Variants in HMGCL observed in about 807,000 individuals in gnomAD.
HMGCL encodes the protein hydroxymethylglutaryl-CoA lyase, mitochondrial.
In HMGCL, 26 loss-of-function variants were observed where a neutral mutation model predicts 37.3. That is an observed-to-expected ratio of 0.70 (90% confidence interval 0.51 to 0.97). HMGCL has a LOEUF of 0.97. Ranked by LOEUF, HMGCL falls within the 50% of genes least tolerant of loss-of-function variation. HMGCL has a pLI of 0.00. For synonymous variants in HMGCL, 151 were observed against 148.0 expected (o/e 1.02, Z -0.15); for missense variants, 379 against 398.1 (o/e 0.95, Z 0.41).
Position 23,802,105 on chromosome 1 carries a change from GGGTGGCCA to G in HMGCL, c.*350_*357del. The G allele has an allele frequency of 1.8e-6, 1 of 551,580 alleles. No homozygotes were observed. Among genetic ancestry groups the G allele is most frequent in the East Asian group, 2.8e-5 (1 of 35,286 alleles). 34.2% of individuals were successfully genotyped at this position (551,580 alleles called of 1,614,324 possible). On this transcript the variant is annotated 3_prime_UTR_variant, in exon 9 of 9. Coordinates refer to ENST00000374490, the MANE Select transcript of HMGCL (RefSeq NM_000191.3). ...CCATGGCAGGGTGGAGCCGTGTAGA[GGGTGGCCA>G]GGTGGCCAGCTCGCGGATTCCATCC...
intron 7 of HMGCL, among the ~76,000 whole-genome samples, chr1:23,807,531 T>C (rs1183008146): frequency 2.6e-5 from 4 of 152,350 alleles, no homozygotes; most frequent in East Asian, 1.9e-4. Flanking sequence ...TGCCAGCCAA[T>C]GGATCTCCAT....
intron 5 of HMGCL, among the ~76,000 whole-genome samples, chr1:23,812,660 G>A (rs944758932): frequency 1.2e-4 from 19 of 152,210 alleles, no homozygotes; most frequent in Admixed American, 7.2e-4. Context: ...CAAAGGCCCA[G>A]AGGCAAGAGT....
At chr1:23,805,615 T>G (rs1430654121) in intron 7 of HMGCL, among the ~76,000 whole-genome samples, 1 of 152,094 alleles carries the variant, frequency 6.6e-6, no homozygotes, top group African/African-American at 2.4e-5. Flanking sequence ...TCCACATCCC[T>G]TGGTTTTCCT....
In HMGCL at chr1:23,806,616, G is replaced by A. The variant is rs1183741231; in HGVS notation, c.750+1519C>T. ...TGAGGCCACTCTACAGAAAGGCCTGGCACTGCCTTAACCTGCTTCATTTTT... is the reference window on the plus strand; with the variant it reads ...TGAGGCCACTCTACAGAAAGGCCTGACACTGCCTTAACCTGCTTCATTTTT... On this transcript the variant is annotated intron_variant, in intron 7 of 8. Coordinates refer to ENST00000374490, the MANE Select transcript of HMGCL (RefSeq NM_000191.3). This position sits in a 1 kb window ranked among gnomAD's most constrained non-coding sequence, Gnocchi z 4.0. The A allele has an allele frequency of 8.3e-6, 2 of 241,970 alleles. No homozygotes were observed. The highest frequency in any genetic ancestry group is 1.7e-5 in the Non-Finnish European group (2 of 120,542). 15.0% of individuals were successfully genotyped at this position (241,970 alleles called of 1,614,324 possible).
intron 2 of HMGCL, among the ~76,000 whole-genome samples, chr1:23,817,879 C>G (rs1353001580): frequency 6.6e-6 from 1 of 152,162 alleles, no homozygotes; most frequent in Non-Finnish European, 1.5e-5. Context: ...AGTATCACAC[C>G]CTCCTCGCTT....
intron 8 of HMGCL, 107 bp from the exon 9 acceptor site, chr1:23,802,671 A>G (rs1638306613): frequency 1.2e-6 from 1 of 805,220 alleles, no homozygotes; most frequent in Admixed American, 1.9e-5. Context: ...AAAGGTGAAG[A>G]TAAACAGGCT....
chr1:23,802,159 A>G lies in HMGCL; in HGVS notation c.*304T>C, dbSNP rs1261858899. On this transcript the variant is annotated 3_prime_UTR_variant, in exon 9 of 9. Transcript: ENST00000374490. ...CATCCAGAGAGGAGACTCAAGGATC[A>G]TGCTAAGTAGGGAACGGGGTTCCCA... 6.8e-6 allele frequency: 4 copies of G among 588,472 alleles called. No individual in the cohort carries two copies. The East Asian group carries it at 8.3e-5, about 12-fold the overall frequency. The allele number at this position is 588,472 out of a possible 1,614,324, so 36.5% of individuals were successfully genotyped here.
chr1:23,809,022 C>CA (rs1638466766), intron 6 of HMGCL, among the ~76,000 whole-genome samples: 1 of 150,464 alleles, frequency 6.6e-6, no homozygotes, highest in Non-Finnish European at 1.5e-5. Context: ...TCTCCTGTCT[C>CA]AGTCTCCCAA....
chr1:23,812,416 G>A (rs1414984875), intron 5 of HMGCL, among the ~76,000 whole-genome samples: 2 of 152,150 alleles, frequency 1.3e-5, no homozygotes, highest in Admixed American at 6.6e-5. Context: ...GTGTGCAGTG[G>A]CATGATTTTG....
chr1:23,813,830 C>T (rs1638565976), intron 5 of HMGCL: 2 of 334,548 alleles, frequency 6.0e-6, no homozygotes, highest in African/African-American at 2.1e-5. Flanking sequence ...CCTCCACAAA[C>T]CCGTTAGTGT....
intron 1 of HMGCL, 138 bp from the exon 2 acceptor site, chr1:23,820,731 G>C: frequency 1.4e-6 from 1 of 716,750 alleles, no homozygotes; most frequent in Non-Finnish European, 2.5e-6. Flanking sequence ...ATTCACATTT[G>C]GTCTATTTTA....
chr1:23,820,339 C>A (rs1457864550), intron 2 of HMGCL, among the ~76,000 whole-genome samples, 171 bp downstream of exon 2: 3 of 152,166 alleles, frequency 2.0e-5, no homozygotes, highest in Non-Finnish European at 1.5e-5. Context: ...CATTTTAGAT[C>A]ATTTAACTGT....
At position 23,802,106 on chromosome 1, in the gene HMGCL, G is replaced by A. The variant is rs1638288199; in HGVS notation, c.*357C>T. On this transcript the variant is annotated 3_prime_UTR_variant, in exon 9 of 9. Transcript: ENST00000374490. ...CATGGCAGGGTGGAGCCGTGTAGAGGGTGGCCAGGTGGCCAGCTCGCGGAT... is the reference window on the plus strand; with the variant it reads ...CATGGCAGGGTGGAGCCGTGTAGAGAGTGGCCAGGTGGCCAGCTCGCGGAT... 2 of 552,948 alleles carry A rather than the reference G, an allele frequency of 3.6e-6. No individual in the cohort carries two copies. Among genetic ancestry groups the A allele is most frequent in the Admixed American group, 6.4e-5 (2 of 31,220 alleles). The allele number at this position is 552,948 out of a possible 1,614,324, so 34.3% of individuals were successfully genotyped here. A position where few individuals can be genotyped will look rare whatever the true frequency, so the allele number is the denominator to read the frequency against.
chr1:23,817,615 A>C (rs912489979), intron 2 of HMGCL, 32 bp from the exon 3 acceptor site: 2 of 1,382,806 alleles, frequency 1.4e-6, no homozygotes, highest in Non-Finnish European at 2.1e-6. Flanking sequence ...CAAGGCAGCA[A>C]AGTTAGTAAC....
At chr1:23,816,495 G>C in intron 4 of HMGCL, 180 bp downstream of exon 4, 1 of 691,600 alleles carries the variant, frequency 1.4e-6, no homozygotes. Flanking sequence ...TTATAGGCTT[G>C]TCAACTTGTC....
intron 7 of HMGCL, among the ~76,000 whole-genome samples, chr1:23,805,579 C>T (rs1264780844): frequency 1.3e-5 from 2 of 152,164 alleles, no homozygotes; most frequent in Non-Finnish European, 2.9e-5. Flanking sequence ...TCATCTTGGA[C>T]ACCTTCTCCA....
In HMGCL at chr1:23,810,806, G is replaced by A. The variant is rs764007608; in HGVS notation, c.498-7C>T. ...AAGAGCACAGGAGACGTACCTGTGG[G>A]AAGACAGGGGAGGAATGAGGTCAGT... On this transcript the variant is annotated splice_region_variant and splice_polypyrimidine_tract_variant and intron_variant, in intron 5 of 8. Coordinates refer to ENST00000374490, the MANE Select transcript of HMGCL (RefSeq NM_000191.3). The A allele has an allele frequency of 1.9e-6, 3 of 1,612,552 alleles. No individual in the cohort carries two copies. In the East Asian group the frequency reaches 6.7e-5, roughly 36 times the overall value.
At chr1:23,818,000 C>A (rs1395890674) in intron 2 of HMGCL, among the ~76,000 whole-genome samples, 1 of 152,214 alleles carries the variant, frequency 6.6e-6, no homozygotes, top group Admixed American at 6.5e-5. Flanking sequence ...TTCCTCTTTC[C>A]AAATCTACCA....
chr1:23,815,492 TTTTTTTC>T (rs1342079757), intron 4 of HMGCL, among the ~76,000 whole-genome samples: 2 of 151,802 alleles, frequency 1.3e-5, no homozygotes, highest in African/African-American at 4.8e-5. Context: ...GCTTTCTTTT[TTTTTTTC>T]TTTTTTCTTT....
Sources: gnomAD v4.1 joint callset for allele counts (sites outside exome capture counted in the v4.1 genomes callset) on GRCh38, gnomAD v4.1.1 for gene constraint, Gnocchi (gnomAD v3.1) non-coding constraint, MANE v1.5 for transcripts, NCBI Gene and HGNC (gene_info 2026-07-23, HGNC 2026-07-21) for gene names.